The following TPST1 variants were observed in gnomAD, a reference collection of about 807,000 sequenced individuals.
The protein encoded by TPST1 is protein-tyrosine sulfotransferase 1.
Under a neutral mutation model 34.8 loss-of-function variants are expected in TPST1, and 20 were observed. The ratio of observed to expected loss-of-function variants is 0.57; its 90% confidence interval spans 0.40 to 0.84. The LOEUF is 0.84. TPST1 is among the 40% of genes least tolerant of loss of function. The pLI, the probability that TPST1 is intolerant of heterozygous loss-of-function variation, is 0.00. For synonymous variants in TPST1, 152 were observed against 159.4 expected, an observed-to-expected ratio of 0.95 and a Z score of 0.35; for missense variants, 353 against 455.5, an observed-to-expected ratio of 0.78 and a Z score of 2.05.
intron 1 of TPST1, among the ~76,000 whole-genome samples, chr7:66,217,455 T>C (rs1789447136): frequency 6.6e-6 from 1 of 152,236 alleles, no homozygotes; most frequent in Admixed American, 6.5e-5. Flanking sequence ...TTTGTCTCTT[T>C]TGTGGTAACA....
At chr7:66,246,744 T>C (rs1162530232) in intron 2 of TPST1, among the ~76,000 whole-genome samples, 1 of 152,228 alleles carries the variant, frequency 6.6e-6, no homozygotes, top group Non-Finnish European at 1.5e-5. Context: ...AGCTTTTGTC[T>C]CCATCATCCC....
In TPST1 at chr7:66,345,586, C is replaced by A. The variant is rs1200855951; in HGVS notation, c.1045-6919C>A. 2.0e-5 allele frequency among the ~76,000 whole-genome samples: 3 copies of A among 147,188 alleles called. No homozygotes were observed. In the East Asian group the frequency reaches 6.1e-4, roughly 30 times the overall value. Reference sequence around the variant, plus strand: ...TCAAATTGCAGAAAATCAAAGATAACATCCTGAAAAAACCTAGAGGAAAAA... The same window carrying A: ...TCAAATTGCAGAAAATCAAAGATAAAATCCTGAAAAAACCTAGAGGAAAAA... On this transcript the variant is annotated intron_variant, in intron 3 of 5. Transcript: ENST00000304842.
chr7:66,213,260 CTGT>C (rs1186561548), intron 1 of TPST1, among the ~76,000 whole-genome samples: 1 of 151,538 alleles, frequency 6.6e-6, no homozygotes, highest in Admixed American at 6.6e-5. Context: ...ATTTTTTTGT[CTGT>C]TGTTTAGATT....
At chr7:66,241,831 T>G (rs1371101072) in intron 2 of TPST1, among the ~76,000 whole-genome samples, 1 of 152,222 alleles carries the variant, frequency 6.6e-6, no homozygotes, top group Non-Finnish European at 1.5e-5. Flanking sequence ...TTAAAACGAT[T>G]TGTTCAGATT....
At chr7:66,317,262 G>C (rs1472337765) in intron 3 of TPST1, among the ~76,000 whole-genome samples, 1 of 151,940 alleles carries the variant, frequency 6.6e-6, no homozygotes, top group Admixed American at 6.6e-5. Context: ...CAGTTTTGGT[G>C]GGGGGTTTGC....
At chr7:66,345,337 A>C (rs1300861675) in intron 3 of TPST1, among the ~76,000 whole-genome samples, 3 of 151,536 alleles carry the variant, frequency 2.0e-5, no homozygotes, top group Non-Finnish European at 4.4e-5. Flanking sequence ...TCTCTACTAA[A>C]AATAGAAAAA....
intron 2 of TPST1, among the ~76,000 whole-genome samples, chr7:66,269,232 G>A (rs534437362): frequency 1.3e-5 from 2 of 152,170 alleles, no homozygotes; most frequent in South Asian, 2.1e-4. Flanking sequence ...TTTAGTAGAT[G>A]GAAAACTCCC....
At chr7:66,229,180 G>A (rs2116333031) in intron 1 of TPST1, among the ~76,000 whole-genome samples, 1 of 151,188 alleles carries the variant, frequency 6.6e-6, no homozygotes, top group East Asian at 1.9e-4. Flanking sequence ...GCACGATCTC[G>A]ACTCACTGCT....
At chr7:66,223,200 A>C (rs1363418309) in intron 1 of TPST1, among the ~76,000 whole-genome samples, 1 of 152,072 alleles carries the variant, frequency 6.6e-6, no homozygotes, top group Non-Finnish European at 1.5e-5. Flanking sequence ...TAATTCCAGC[A>C]CTTTGGGAGG....
chr7:66,323,880 G>T (rs1419695300), intron 3 of TPST1, among the ~76,000 whole-genome samples: 2 of 152,134 alleles, frequency 1.3e-5, no homozygotes, highest in Non-Finnish European at 2.9e-5. Context: ...TGATCCAGCA[G>T]TTCCACTTCT....
chr7:66,231,636 C>T (rs928196818), intron 1 of TPST1, among the ~76,000 whole-genome samples: 11 of 152,242 alleles, frequency 7.2e-5, no homozygotes, highest in African/African-American at 1.9e-4. Flanking sequence ...GCTCCGAGTG[C>T]GGGGCCCGCC....
chr7:66,262,825 C>T (rs187168577), intron 2 of TPST1, among the ~76,000 whole-genome samples: 14 of 152,176 alleles, frequency 9.2e-5, no homozygotes, highest in Non-Finnish European at 1.6e-4. Flanking sequence ...TGGCTGGGTG[C>T]GGTGGCTCAT....
At chr7:66,247,959 C>T (rs1790185420) in intron 2 of TPST1, among the ~76,000 whole-genome samples, 1 of 152,126 alleles carries the variant, frequency 6.6e-6, no homozygotes, top group African/African-American at 2.4e-5. Context: ...CCCACCTGGA[C>T]CTAGAACATG....
At chr7:66,318,290 GA>G (rs1312422085) in intron 3 of TPST1, among the ~76,000 whole-genome samples, 2 of 151,952 alleles carry the variant, frequency 1.3e-5, no homozygotes, top group Admixed American at 1.3e-4. Flanking sequence ...TATTACTGTT[GA>G]ATATTTAAGT....
At position 66,241,205 on chromosome 7, in the gene TPST1, A is replaced by G. The variant is rs1790028475; in HGVS notation, c.780A>G (p.Pro260=). The G allele has an allele frequency of 1.2e-6, 2 of 1,614,226 alleles. No individual in the cohort carries two copies. The highest frequency in any genetic ancestry group is 2.2e-5 in the East Asian group (1 of 44,886). ...CACTCTTAAAGTTCCTCCAGATTCCATGGAACCACTCAGTATTGCACCATG... is the reference window on the plus strand; with the variant it reads ...CACTCTTAAAGTTCCTCCAGATTCCGTGGAACCACTCAGTATTGCACCATG... ...MRTLLKFLQI[P]WNHSVLHHEE... is the part of the protein sequence containing the mutation. Residue 260 remains proline, a synonymous_variant, in exon 2 of 6, where the codon CCA becomes CCG. Coordinates refer to ENST00000304842, the MANE Select transcript of TPST1 (RefSeq NM_003596.4).
chr7:66,285,749 A>C (rs1283041066), intron 2 of TPST1, among the ~76,000 whole-genome samples: 1 of 152,186 alleles, frequency 6.6e-6, no homozygotes, highest in African/African-American at 2.4e-5. Flanking sequence ...TTGATGCTAC[A>C]TTTTATCCTG....
intron 3 of TPST1, among the ~76,000 whole-genome samples, chr7:66,304,987 T>C (rs1293587294): frequency 6.6e-6 from 1 of 152,074 alleles, no homozygotes; most frequent in African/African-American, 2.4e-5. Context: ...TTTTTTTATT[T>C]TTAACTTTTT....
chr7:66,309,675 A>C (rs1342964496), intron 3 of TPST1, among the ~76,000 whole-genome samples: 1 of 152,214 alleles, frequency 6.6e-6, no homozygotes, highest in East Asian at 1.9e-4. Flanking sequence ...AGCGTTAGAC[A>C]CTGCTGACTG....
the TPST1 span, among the ~76,000 whole-genome samples, chr7:66,200,076 A>G: frequency 3.4e-4 from 52 of 152,268 alleles, no homozygotes; most frequent in East Asian, 9.7e-3. Flanking sequence ...CCAAAGGAAA[A>G]GTGCTGGAGG....
Sources: gnomAD v4.1 joint callset for allele counts (sites outside exome capture counted in the v4.1 genomes callset) on GRCh38, gnomAD v4.1.1 for gene constraint, MANE v1.5 for transcripts, NCBI Gene and HGNC (gene_info 2026-07-23, HGNC 2026-07-21) for gene names.